The following SMC6 variants were observed in gnomAD, a reference collection of about 807,000 sequenced individuals.
SMC6 encodes structural maintenance of chromosomes protein 6.
Under a neutral mutation model 142.2 loss-of-function variants are expected in SMC6, and 79 were observed. That is an observed-to-expected ratio of 0.56 (90% CI 0.46 to 0.67). The LOEUF (loss-of-function observed/expected upper bound fraction) is 0.67. SMC6 is among the 30% of genes least tolerant of loss of function. The probability of loss-of-function intolerance (pLI) is 0.00; values close to 1 mark genes in which losing one functional copy is unlikely to be tolerated. For synonymous variants in SMC6, 411 were observed against 412.4 expected, an observed-to-expected ratio of 1.00 and a Z score of 0.04; for missense variants, 1,072 against 1,284.0, an observed-to-expected ratio of 0.83 and a Z score of 2.52.
chr2:17,740,764 C>A, intron 4 of SMC6: 1 of 434,610 alleles, frequency 2.3e-6, no homozygotes, highest in South Asian at 1.6e-5. Context: ...ACAGGAGAAT[C>A]GCTTGAACCT....
chr2:17,748,382 A>C (rs1054532956), intron 2 of SMC6, among the ~76,000 whole-genome samples: 1 of 152,236 alleles, frequency 6.6e-6, no homozygotes, highest in Non-Finnish European at 1.5e-5. Flanking sequence ...GAAGAACCTT[A>C]TATATTATGA....
In SMC6 at chr2:17,700,257, G is replaced by A. The variant is rs1668204283; in HGVS notation, c.2345C>T (p.Ala782Val). Residue 782 changes from alanine to valine, a missense_variant, in exon 21 of 28, where the codon GCA (alanine) becomes GTA (valine). By Grantham distance (64) the Ala-to-Val change is moderately conservative. Coordinates refer to ENST00000448223, the MANE Select transcript of SMC6 (RefSeq NM_001142286.2). ...TAGTTGATTAATTTTGAATTTAATT[G>A]CATCATACTTATTTTCTGCTTCTAT... ...LKIEAENKYD[A>V]IKFKINQLSE... is the part of the protein sequence containing the mutation. 5.0e-6 allele frequency: 8 copies of A among 1,609,060 alleles called. No homozygotes were observed. Among genetic ancestry groups the A allele is most frequent in the Admixed American group, 3.4e-5 (2 of 59,632 alleles).
At chr2:17,746,884 GA>G (rs1398296153) in intron 2 of SMC6, among the ~76,000 whole-genome samples, 2 of 152,114 alleles carry the variant, frequency 1.3e-5, no homozygotes, top group African/African-American at 2.4e-5. Context: ...TAAGATATAA[GA>G]ATATGAGGAA....
At chr2:17,667,836 C>T (rs1190244433) in intron 26 of SMC6, among the ~76,000 whole-genome samples, 3 of 151,994 alleles carry the variant, frequency 2.0e-5, no homozygotes, top group Admixed American at 6.6e-5. Flanking sequence ...GGTAACAGAA[C>T]GAGACTGTGT....
At position 17,726,471 on chromosome 2, in the gene SMC6, T is replaced by A. The variant is rs1558366824; in HGVS notation, c.544-2A>T. 1.2e-6 allele frequency: 2 copies of A among 1,605,992 alleles called. No homozygotes were observed. Among genetic ancestry groups the A allele is most frequent in the Admixed American group, 1.7e-5 (1 of 58,426 alleles). On this transcript the variant is annotated splice_acceptor_variant, in intron 7 of 27. Transcript: ENST00000448223. LOFTEE classifies it high-confidence loss of function. ...TAAAACAGAAACTGGATTATCCACC[T>A]CAAACAAACAAAAAGTCATTTTTGA...
intron 26 of SMC6, among the ~76,000 whole-genome samples, chr2:17,670,112 T>C (rs1218055868): frequency 6.6e-6 from 1 of 152,192 alleles, no homozygotes; most frequent in African/African-American, 2.4e-5. Flanking sequence ...AGTCTGAACA[T>C]ATTTATGGGT....
intron 21 of SMC6, among the ~76,000 whole-genome samples, chr2:17,697,471 T>G (rs1668059091): frequency 6.6e-6 from 1 of 151,842 alleles, no homozygotes; most frequent in Non-Finnish European, 1.5e-5. Flanking sequence ...CCAACACATA[T>G]CCAGAATATA....
chr2:17,744,540 G>A (rs993706031), intron 3 of SMC6, among the ~76,000 whole-genome samples: 1 of 152,124 alleles, frequency 6.6e-6, no homozygotes, highest in East Asian at 1.9e-4. Flanking sequence ...CAGTTTTTGT[G>A]TGTGTTTTTC....
intron 7 of SMC6, among the ~76,000 whole-genome samples, chr2:17,729,329 TTAAG>T (rs1223780744): frequency 6.6e-6 from 1 of 152,218 alleles, no homozygotes; most frequent in African/African-American, 2.4e-5. Context: ...TTGTTATGCA[TTAAG>T]TAAACCATGC....
At position 17,738,304 on chromosome 2, in the gene SMC6, T is replaced by C; in HGVS notation, c.261A>G (p.Thr87=). The C allele has an allele frequency of 1.9e-6, 3 of 1,612,240 alleles. No homozygotes were observed. The highest frequency in any genetic ancestry group is 1.7e-6 in the Non-Finnish European group (2 of 1,179,190). ...TTCCACCAAGACCGACTATGAGAGC[T>C]GTGAGTACTGCACTCTTCCCACCTA... ...NNGSGKSAVL[T]ALIVGLGGRA... is the part of the protein sequence containing the mutation. The change falls in exon 5 of 28, where the codon ACA becomes ACG. Residue 87 remains threonine (T), a synonymous_variant. Coordinates refer to ENST00000448223, the MANE Select transcript of SMC6 (RefSeq NM_001142286.2).
chr2:17,668,136 A>C (rs1451952788), intron 26 of SMC6, among the ~76,000 whole-genome samples: 1 of 152,220 alleles, frequency 6.6e-6, no homozygotes, highest in Non-Finnish European at 1.5e-5. Context: ...TCTGATTAAG[A>C]AGCTCTAAGT....
chr2:17,727,829 T>TA (rs1184651571), intron 7 of SMC6, among the ~76,000 whole-genome samples: 2 of 152,180 alleles, frequency 1.3e-5, no homozygotes, highest in East Asian at 3.8e-4. Flanking sequence ...TTCTCTCAAG[T>TA]ACGATGTTGG....
chr2:17,709,398 A>G (rs1189978122), intron 16 of SMC6, among the ~76,000 whole-genome samples: 1 of 152,206 alleles, frequency 6.6e-6, no homozygotes, highest in Non-Finnish European at 1.5e-5. Context: ...TGAAAGAGAC[A>G]ATCTTTCAAC....
At chr2:17,680,919 T>C (rs1667211288) in intron 24 of SMC6, 1 of 152,234 alleles carries the variant, frequency 6.6e-6, no homozygotes, top group Non-Finnish European at 1.5e-5. Context: ...TGGCCTGTCC[T>C]ACAAAGCCAG....
chr2:17,718,551 TAC>T (rs1265071783), intron 11 of SMC6, among the ~76,000 whole-genome samples: 1 of 152,108 alleles, frequency 6.6e-6, no homozygotes, highest in Admixed American at 6.6e-5. Context: ...TAAAGTAGGG[TAC>T]ATTTATTTTT....
intron 23 of SMC6, among the ~76,000 whole-genome samples, chr2:17,694,929 C>A (rs1438064018): frequency 6.6e-6 from 1 of 152,034 alleles, no homozygotes; most frequent in African/African-American, 2.4e-5. Context: ...TACACGAAAG[C>A]ATTTATGTTA....
chr2:17,717,512 A>C (rs535715381), intron 12 of SMC6, among the ~76,000 whole-genome samples: 1 of 152,158 alleles, frequency 6.6e-6, no homozygotes, highest in Non-Finnish European at 1.5e-5. Context: ...TCTACTAAAA[A>C]TACGAAAAAT....
chr2:17,745,791 A>T, intron 3 of SMC6, 36 bp downstream of exon 3: 1 of 1,559,326 alleles, frequency 6.4e-7, no homozygotes, highest in Non-Finnish European at 8.7e-7. Flanking sequence ...CAAGAAAAAC[A>T]TATCAAAAAG....
chr2:17,748,895 T>C (rs1352316280), intron 2 of SMC6, among the ~76,000 whole-genome samples: 1 of 152,210 alleles, frequency 6.6e-6, no homozygotes, highest in African/African-American at 2.4e-5. Flanking sequence ...GAATGTGAGA[T>C]TCTATATAGA....
Sources: allele counts gnomAD v4.1 joint callset (sites outside exome capture counted in the v4.1 genomes callset), GRCh38; gene constraint gnomAD v4.1.1; transcripts MANE v1.5; gene names NCBI Gene and HGNC (gene_info 2026-07-23, HGNC 2026-07-21).